Variants in LDLRAD4 observed in about 807,000 individuals in gnomAD.
LDLRAD4 encodes the protein low density lipoprotein receptor class A domain containing 4, also known as low-density lipoprotein receptor class A domain-containing protein 4.
LDLRAD4 carries 5 observed loss-of-function variants against 17.0 expected under a neutral mutation model. The observed-to-expected ratio is 0.29, with a 90% CI of 0.15 to 0.62. LDLRAD4 has a LOEUF of 0.62. LDLRAD4 is among the 20% of genes least tolerant of loss of function. The probability of loss-of-function intolerance (pLI) is 0.84; values close to 1 mark genes in which losing one functional copy is unlikely to be tolerated. For synonymous variants in LDLRAD4, 168 were observed against 171.8 expected (o/e 0.98, Z 0.17); for missense variants, 340 against 424.7 (o/e 0.80, Z 1.75).
intron 3 of LDLRAD4, among the ~76,000 whole-genome samples, chr18:13,553,761 C>T (rs1332742038): frequency 6.6e-6 from 1 of 152,204 alleles, no homozygotes; most frequent in African/African-American, 2.4e-5. Flanking sequence ...TGCCCTGGCA[C>T]CCTATGTTGT....
At chr18:13,466,199 G>A (rs557857378) in intron 3 of LDLRAD4, among the ~76,000 whole-genome samples, 22 of 152,290 alleles carry the variant, frequency 1.4e-4, no homozygotes, top group African/African-American at 5.1e-4. Flanking sequence ...GCCTGGGCAC[G>A]GTGGCTCAGG....
At chr18:13,226,839 G>A (rs372019992) in intron 1 of LDLRAD4, among the ~76,000 whole-genome samples, 1 of 152,212 alleles carries the variant, frequency 6.6e-6, no homozygotes. Context: ...AGGATACGAT[G>A]GGCATAGACT....
chr18:13,259,342 T>G (rs542106008), intron 1 of LDLRAD4, among the ~76,000 whole-genome samples: 57 of 152,264 alleles, frequency 3.7e-4, no homozygotes, highest in Non-Finnish European at 7.2e-4. Flanking sequence ...GCCTGGCTAA[T>G]TTTTTTATTT....
chr18:13,432,738 A>G (rs1200357572), intron 2 of LDLRAD4, among the ~76,000 whole-genome samples: 1 of 152,202 alleles, frequency 6.6e-6, no homozygotes, highest in Non-Finnish European at 1.5e-5. Flanking sequence ...TATTTAAGAG[A>G]CAGGGTCTGG....
At chr18:13,536,413 T>G (rs1438899518) in intron 3 of LDLRAD4, among the ~76,000 whole-genome samples, 1 of 152,218 alleles carries the variant, frequency 6.6e-6, no homozygotes, top group Non-Finnish European at 1.5e-5. Context: ...AATTTTCATT[T>G]TAAGTCACTG....
At chr18:13,372,158 C>T (rs1304269362) in intron 1 of LDLRAD4, among the ~76,000 whole-genome samples, 2 of 152,228 alleles carry the variant, frequency 1.3e-5, no homozygotes, top group African/African-American at 4.8e-5. Context: ...CAAGCACTGC[C>T]GTGTGCCCTT....
At chr18:13,407,515 A>G (rs76887691) in intron 2 of LDLRAD4, among the ~76,000 whole-genome samples, 2,421 of 152,302 alleles carry the variant, frequency 0.016, 61 homozygotes, top group African/African-American at 0.056. Flanking sequence ...ACCAAGGTCT[A>G]TGACCATACC....
chr18:13,263,532 C>G (rs377346618), intron 1 of LDLRAD4, among the ~76,000 whole-genome samples: 1 of 152,150 alleles, frequency 6.6e-6, no homozygotes, highest in South Asian at 2.1e-4. Flanking sequence ...GCAGGGGAGT[C>G]GAGGGGCACC....
chr18:13,359,457 A>G (rs2083532151), intron 1 of LDLRAD4, among the ~76,000 whole-genome samples: 1 of 152,076 alleles, frequency 6.6e-6, no homozygotes, highest in South Asian at 2.1e-4. Flanking sequence ...CAACAATGGA[A>G]TGGGCTGCTT....
At chr18:13,373,125 T>A (rs1190641308) in intron 1 of LDLRAD4, among the ~76,000 whole-genome samples, 4 of 150,782 alleles carry the variant, frequency 2.7e-5, no homozygotes, top group African/African-American at 7.3e-5. Flanking sequence ...CAGCTCACAC[T>A]CCTTTGGCAT....
chr18:13,509,547 C>G (rs1275971152), intron 3 of LDLRAD4, among the ~76,000 whole-genome samples: 1 of 152,088 alleles, frequency 6.6e-6, no homozygotes, highest in Non-Finnish European at 1.5e-5. Flanking sequence ...TAAGTGGTTT[C>G]CTGAGATAAA....
intron 3 of LDLRAD4, among the ~76,000 whole-genome samples, chr18:13,575,671 C>T (rs897697572): frequency 4.6e-5 from 7 of 152,212 alleles, no homozygotes; most frequent in Non-Finnish European, 8.8e-5. Context: ...AGTGGTTGTA[C>T]TAGTTTACAT....
intron 3 of LDLRAD4, among the ~76,000 whole-genome samples, chr18:13,554,015 A>G (rs886319507): frequency 2.0e-5 from 3 of 152,088 alleles, no homozygotes; most frequent in Non-Finnish European, 2.9e-5. Flanking sequence ...ATTTCTTCTA[A>G]TTATTCTAGT....
At chr18:13,647,956 T>C (rs1266753392) in exon 6 of LDLRAD4, 2 of 152,250 alleles carry the variant, frequency 1.3e-5, no homozygotes, top group African/African-American at 4.8e-5. Flanking sequence ...CTCTCCAGAT[T>C]AGCCTCTCTT....
chr18:13,451,322 C>G (rs1307455516), intron 3 of LDLRAD4, among the ~76,000 whole-genome samples: 1 of 152,148 alleles, frequency 6.6e-6, no homozygotes, highest in Non-Finnish European at 1.5e-5. Context: ...TTCCTTGTGG[C>G]TTGGTGCTGT....
chr18:13,507,110 A>T (rs1031947247), intron 3 of LDLRAD4, among the ~76,000 whole-genome samples: 1 of 152,040 alleles, frequency 6.6e-6, no homozygotes, highest in African/African-American at 2.4e-5. Context: ...ACTTCTTATT[A>T]TATGTTATGG....
chr18:13,540,802 G>A (rs984906428), intron 3 of LDLRAD4, among the ~76,000 whole-genome samples: 1 of 152,230 alleles, frequency 6.6e-6, no homozygotes, highest in African/African-American at 2.4e-5. Context: ...AGTGTCTGCT[G>A]ATAACAGTTA....
rs907010374 is a variant in LDLRAD4 at position 13,398,684 on chromosome 18, G to T, written c.40+10922G>T. On this transcript the variant is annotated intron_variant, in intron 2 of 5. Transcript: ENST00000359446. The surrounding 1 kb of genome is among the most constrained non-coding windows in gnomAD (Gnocchi z 4.8). ...TCAATGCTCTGTTGATGTGGGTTTG[G>T]CGCTCACAGAGAGGATAGGCAGTGT... Among the ~76,000 whole-genome samples the T allele has an allele frequency of 5.3e-5, 8 of 152,086 alleles. No homozygotes were observed. The highest frequency in any genetic ancestry group is 4.6e-4 in the Admixed American group (7 of 15,284).
chr18:13,345,476 C>T (rs547639893), intron 1 of LDLRAD4, among the ~76,000 whole-genome samples: 185 of 152,238 alleles, frequency 1.2e-3, no homozygotes, highest in African/African-American at 1.7e-3. Flanking sequence ...CTGCTGGATT[C>T]GGTTTGCCAG....
Sources: allele counts gnomAD v4.1 joint callset (sites outside exome capture counted in the v4.1 genomes callset), GRCh38; gene constraint gnomAD v4.1.1; non-coding constraint Gnocchi (gnomAD v3.1); transcripts MANE v1.5; gene names NCBI Gene and HGNC (gene_info 2026-07-23, HGNC 2026-07-21).